CEP350: variants seen among roughly 807,000 people sequenced by gnomAD.
CEP350 encodes centrosomal protein 350.
CEP350 carries 126 observed loss-of-function variants against 331.8 expected under a neutral mutation model. That is an observed-to-expected ratio of 0.38 (90% CI 0.33 to 0.44). CEP350 has a LOEUF of 0.44. Ranked by LOEUF, CEP350 falls within the 20% of genes least tolerant of loss-of-function variation. CEP350 has a pLI of 1.00. For missense variants in CEP350, 3,406 were observed against 3,634.6 expected (o/e 0.94, Z 1.62); for synonymous variants, 1,200 against 1,259.5 (o/e 0.95, Z 1.00).
At position 180,043,168 on chromosome 1, in the gene CEP350, T is replaced by C. The variant is rs1656878414; in HGVS notation, c.4475T>C (p.Leu1492Pro). The change falls in exon 20 of 38, where the codon CTG becomes CCG. Residue 1492 changes from leucine to proline, a missense_variant. This residue lies in a region of CEP350 where 1,857 missense variants were observed against 1,909.2 expected (regional missense o/e 0.97). Transcript: ENST00000367607. ...RQHLPDFVKQ[L>P]RTRTETDRKS... Reference sequence around the variant, plus strand: ...CACCTTCCAGACTTTGTGAAACAGCTGAGGACCAGAACTGAAACAGATAGG... The same window carrying C: ...CACCTTCCAGACTTTGTGAAACAGCCGAGGACCAGAACTGAAACAGATAGG... 2 of 1,613,464 alleles carry C rather than the reference T, an allele frequency of 1.2e-6. No homozygotes were observed. The highest frequency in any genetic ancestry group is 3.3e-5 in the Admixed American group (2 of 59,944).
chr1:180,076,695 A>G (rs1385301857), intron 28 of CEP350, among the ~76,000 whole-genome samples: 1 of 152,180 alleles, frequency 6.6e-6, no homozygotes, highest in Non-Finnish European at 1.5e-5. Context: ...AGGCTGAGAC[A>G]TGAAAGTCAC....
intron 27 of CEP350, among the ~76,000 whole-genome samples, chr1:180,071,315 C>T (rs942830644): frequency 1.4e-5 from 2 of 143,012 alleles, no homozygotes; most frequent in Admixed American, 7.1e-5. Context: ...AAAAATTAGC[C>T]GGGCGTGGTG....
At chr1:180,105,809 T>G (rs946825396) in intron 37 of CEP350, among the ~76,000 whole-genome samples, 4 of 152,248 alleles carry the variant, frequency 2.6e-5, no homozygotes, top group African/African-American at 9.6e-5. Flanking sequence ...AATAAACAGT[T>G]GCTTCTTCCA....
At chr1:180,072,213 T>A (rs1265157776) in intron 27 of CEP350, among the ~76,000 whole-genome samples, 2 of 152,204 alleles carry the variant, frequency 1.3e-5, no homozygotes, top group African/African-American at 4.8e-5. Context: ...TTTTAAACTA[T>A]TTTCATTTTC....
At chr1:179,993,612 C>T (rs749270658) in intron 5 of CEP350, among the ~76,000 whole-genome samples, 12 of 151,820 alleles carry the variant, frequency 7.9e-5, no homozygotes, top group African/African-American at 2.7e-4. Context: ...TTGGTAGAGG[C>T]GGGGTTTCAC....
rs1657285438 is a variant in CEP350, at chr1:180,048,700, A to G, written c.4787A>G (p.Glu1596Gly). ...RSDSVPSLPD[E>G]KDSTSIATEY... is the part of the protein sequence containing the mutation. The stretch of plus-strand genomic sequence containing the variant: ...GATAGTGTTCCATCTCTTCCTGATG[A>G]AAAAGGTAACTTTCTTTGCAAATAA... The change falls in exon 22 of 38, where the codon GAA becomes GGA. Residue 1596 changes from glutamate to glycine, a missense_variant. By Grantham distance (98) the Glu-to-Gly change is moderately conservative (BLOSUM62 -2). Transcript: ENST00000367607. 1 of 1,607,252 alleles carries G rather than the reference A, an allele frequency of 6.2e-7. No homozygotes were observed. The highest frequency in any genetic ancestry group is 8.5e-7 in the Non-Finnish European group (1 of 1,176,808).
At position 180,024,528 on chromosome 1, in the gene CEP350, T is replaced by C. The variant is rs1315036190; in HGVS notation, c.3496T>C (p.Ser1166Pro). The change falls in exon 14 of 38, where the codon TCT (serine) becomes CCT (proline). Residue 1166 changes from serine (S) to proline (P), a missense_variant. By Grantham distance (74) the Ser-to-Pro change is moderately conservative. Around this residue, in one of 5 missense-constraint regions of CEP350, gnomAD observed 1,857 missense variants for 1,909.2 expected, o/e 0.97. Coordinates refer to ENST00000367607, the MANE Select transcript of CEP350 (RefSeq NM_014810.5). The stretch of plus-strand genomic sequence containing the variant: ...ATCAGGAGCCCAGTCTGCTGCATCG[T>C]CTCGTTCATCTACTTCTTCTAAAGG... ...HSSGAQSAAS[S>P]RSSTSSKGKK... 1 of 1,613,194 alleles carries C rather than the reference T, an allele frequency of 6.2e-7. No individual in the cohort carries two copies. The highest frequency in any genetic ancestry group is 1.3e-5 in the African/African-American group (1 of 75,000).
chr1:180,099,675 C>T (rs896218089), intron 37 of CEP350, among the ~76,000 whole-genome samples: 4 of 151,828 alleles, frequency 2.6e-5, no homozygotes, highest in Non-Finnish European at 4.4e-5. Context: ...AATTTATCAC[C>T]GTTCTCATGT....
At chr1:179,997,209 GCTT>G in intron 6 of CEP350, 34 bp downstream of exon 6, 1 of 1,572,158 alleles carries the variant, frequency 6.4e-7, no homozygotes, top group Non-Finnish European at 8.6e-7. Context: ...TCCTCTCCCT[GCTT>G]CTTTGTTCTT....
intron 20 of CEP350, among the ~76,000 whole-genome samples, chr1:180,043,540 G>T (rs1656908186): frequency 1.3e-5 from 2 of 152,172 alleles, no homozygotes; most frequent in African/African-American, 4.8e-5. Context: ...TGTAAAGGAG[G>T]TAAAGAATAG....
chr1:179,957,105 C>G (rs1321114061), intron 1 of CEP350, among the ~76,000 whole-genome samples: 2 of 152,056 alleles, frequency 1.3e-5, no homozygotes, highest in Non-Finnish European at 2.9e-5. Context: ...TTTGCTTGAA[C>G]AAGATTATTA....
Position 180,020,787 on chromosome 1 carries a change from C to T in CEP350, c.3013C>T (p.Leu1005Phe), listed in dbSNP as rs928926698. 1.9e-6 allele frequency: 3 copies of T among 1,613,482 alleles called. No individual in the cohort carries two copies. The highest frequency in any genetic ancestry group is 2.7e-5 in the African/African-American group (2 of 74,818). ...EEEGDQDGQP[L>F]LKVAEILKEK... is the part of the protein sequence containing the mutation. ...AGAGGGAGACCAGGATGGACAGCCC[C>T]TTTTGAAAGTAGCAGAAATTTTAAA... Residue 1005 changes from leucine (L) to phenylalanine (F), a missense_variant, in exon 12 of 38, where the codon CTT (leucine) becomes TTT (phenylalanine). Physicochemically the swap from Leu to Phe is conservative, Grantham distance 22 (BLOSUM62 0). This residue lies in a region of CEP350 where 1,857 missense variants were observed against 1,909.2 expected (regional missense o/e 0.97). Coordinates refer to ENST00000367607, the MANE Select transcript of CEP350 (RefSeq NM_014810.5).
chr1:180,103,933 TA>T (rs897018082), intron 37 of CEP350, among the ~76,000 whole-genome samples: 2 of 141,944 alleles, frequency 1.4e-5, no homozygotes, highest in Non-Finnish European at 3.0e-5. Flanking sequence ...TATATACAAA[TA>T]TATGTTTTAA....
At chr1:179,977,862 C>A (rs1651983057) in intron 1 of CEP350, among the ~76,000 whole-genome samples, 1 of 151,468 alleles carries the variant, frequency 6.6e-6, no homozygotes, top group Admixed American at 6.6e-5. Context: ...AGCTGTACAG[C>A]AATAGTTTAT....
chr1:180,096,266 C>T, intron 36 of CEP350, 82 bp downstream of exon 36: 2 of 1,436,204 alleles, frequency 1.4e-6, no homozygotes, highest in African/African-American at 1.4e-5. Flanking sequence ...AAAGCAGGTG[C>T]TCTTCTGTAT....
chr1:180,000,563 T>C (rs1653796370), intron 6 of CEP350: 2 of 158,946 alleles, frequency 1.3e-5, no homozygotes, highest in South Asian at 3.6e-4. Context: ...TCATTTTTCA[T>C]TGCATAATCC....
At chr1:179,962,465 A>G (rs999203145) in intron 1 of CEP350, among the ~76,000 whole-genome samples, 12 of 152,080 alleles carry the variant, frequency 7.9e-5, no homozygotes, top group African/African-American at 2.7e-4. Flanking sequence ...GCTGGAGCGC[A>G]GTGACGTGAT....
At chr1:180,005,554 A>C (rs1310415437) in intron 7 of CEP350, among the ~76,000 whole-genome samples, 1 of 152,160 alleles carries the variant, frequency 6.6e-6, no homozygotes, top group Non-Finnish European at 1.5e-5. Context: ...GTCTCCCTCT[A>C]TCTGCTCTTC....
chr1:180,016,045 T>G, intron 11 of CEP350, 75 bp downstream of exon 11: 1 of 1,537,704 alleles, frequency 6.5e-7, no homozygotes, highest in African/African-American at 1.4e-5. Flanking sequence ...TTCAGAGAAT[T>G]TTGTTGACTT....
Sources: gnomAD v4.1 joint callset for allele counts (sites outside exome capture counted in the v4.1 genomes callset) on GRCh38, gnomAD v4.1.1 for gene constraint, gnomAD v4.1.1 regional missense constraint, MANE v1.5 for transcripts, NCBI Gene and HGNC (gene_info 2026-07-23, HGNC 2026-07-21) for gene names.